The following PLCB4 variants were observed in gnomAD, a reference collection of about 807,000 sequenced individuals.
PLCB4 encodes phospholipase C beta 4, also known as 1-phosphatidylinositol 4,5-bisphosphate phosphodiesterase beta-4.
PLCB4 carries 77 observed loss-of-function variants against 178.8 expected under a neutral mutation model. The ratio of observed to expected loss-of-function variants is 0.43; its 90% CI spans 0.36 to 0.52. The LOEUF (loss-of-function observed/expected upper bound fraction) is 0.52, where lower values mean the gene tolerates loss of function less well. Ranked by LOEUF, PLCB4 falls within the 20% of genes least tolerant of loss-of-function variation. PLCB4 has a pLI of 0.00. For synonymous variants in PLCB4, 496 were observed against 490.8 expected, an observed-to-expected ratio of 1.01 and a Z score of -0.14; for missense variants, 1,024 against 1,453.4, an observed-to-expected ratio of 0.70 and a Z score of 4.80.
Position 9,479,058 on chromosome 20 carries a change from C to A in PLCB4, c.*49C>A. On this transcript the variant is annotated 3_prime_UTR_variant, in exon 40 of 40. Transcript: ENST00000378473. The stretch of plus-strand genomic sequence containing the variant: ...AAAGACTCACTCACAAACTTCTGAA[C>A]ACAAACTCCATGGATGAAAGCTGTT... 7.9e-7 allele frequency: 1 copy of A among 1,260,726 alleles called. No individual in the cohort carries two copies. Among genetic ancestry groups the A allele is most frequent in the Non-Finnish European group, 1.2e-6 (1 of 862,612 alleles). 78.1% of individuals were successfully genotyped at this position (1,260,726 alleles called of 1,614,324 possible).
At chr20:9,124,188 A>G (rs574307415) in intron 2 of PLCB4, among the ~76,000 whole-genome samples, 1 of 152,318 alleles carries the variant, frequency 6.6e-6, no homozygotes, top group East Asian at 1.9e-4. Flanking sequence ...CTGGTCTAGA[A>G]TATTAAAATA....
chr20:9,330,897 G>A (rs550399634), intron 4 of PLCB4, among the ~76,000 whole-genome samples: 8 of 152,238 alleles, frequency 5.3e-5, no homozygotes, highest in African/African-American at 1.7e-4. Flanking sequence ...CACAACAAGA[G>A]CCCTAAAATT....
chr20:9,187,063 C>T (rs1017578099), intron 2 of PLCB4, among the ~76,000 whole-genome samples: 1 of 152,122 alleles, frequency 6.6e-6, no homozygotes, highest in African/African-American at 2.4e-5. Flanking sequence ...CAAACTTCAC[C>T]TTCTGGGTTC....
At chr20:9,342,169 C>T (rs1319261230) in intron 7 of PLCB4, among the ~76,000 whole-genome samples, 2 of 152,122 alleles carry the variant, frequency 1.3e-5, no homozygotes, top group Admixed American at 6.6e-5. Flanking sequence ...CCATCACCAC[C>T]GTTTTATTTC....
At chr20:9,146,115 C>T (rs8122469) in intron 2 of PLCB4, among the ~76,000 whole-genome samples, 16,457 of 152,176 alleles carry the variant, frequency 0.11, 1,412 homozygotes, top group African/African-American at 0.24. Flanking sequence ...TACCAGCTAA[C>T]ATGGCCCTGT....
chr20:9,163,941 ATAAGT>A (rs1216636695), intron 2 of PLCB4, among the ~76,000 whole-genome samples: 2 of 152,208 alleles, frequency 1.3e-5, no homozygotes, highest in Non-Finnish European at 2.9e-5. Context: ...TGTAAACGAG[ATAAGT>A]TCATTTATTG....
chr20:9,236,549 CGT>C (rs2093995377), intron 3 of PLCB4, among the ~76,000 whole-genome samples: 1 of 152,094 alleles, frequency 6.6e-6, no homozygotes, highest in African/African-American at 2.4e-5. Context: ...TCTAATCTTT[CGT>C]GTGTGTGTCT....
At chr20:9,086,154 AGT>A (rs2090404395) in intron 1 of PLCB4, among the ~76,000 whole-genome samples, 1 of 152,118 alleles carries the variant, frequency 6.6e-6, no homozygotes, top group Non-Finnish European at 1.5e-5. Context: ...CCTTACAAAG[AGT>A]GAGAAAAAGC....
chr20:9,082,724 G>C (rs927961947), intron 1 of PLCB4, among the ~76,000 whole-genome samples: 2 of 152,118 alleles, frequency 1.3e-5, no homozygotes, highest in African/African-American at 4.8e-5. Flanking sequence ...GGCCCTCTGA[G>C]AATCTTAAGC....
At chr20:9,417,185 C>G (rs1433671228) in intron 25 of PLCB4, among the ~76,000 whole-genome samples, 1 of 151,824 alleles carries the variant, frequency 6.6e-6, no homozygotes, top group Non-Finnish European at 1.5e-5. Flanking sequence ...TTCTTTAAAT[C>G]TATGGTTATA....
chr20:9,302,652 G>T (rs1002942832), intron 3 of PLCB4, among the ~76,000 whole-genome samples: 6 of 152,002 alleles, frequency 3.9e-5, no homozygotes, highest in Non-Finnish European at 7.4e-5. Flanking sequence ...AAGAGATTAA[G>T]GTCAAAATTA....
intron 3 of PLCB4, among the ~76,000 whole-genome samples, chr20:9,288,406 CTTT>C (rs5840316): frequency 5.0e-5 from 7 of 140,748 alleles, no homozygotes; most frequent in African/African-American, 7.6e-5. Flanking sequence ...CCTGTAGTTG[CTTT>C]TTTTTTTTTT....
chr20:9,429,966 A>G (rs2041284441), intron 28 of PLCB4, among the ~76,000 whole-genome samples: 1 of 152,216 alleles, frequency 6.6e-6, no homozygotes, highest in African/African-American at 2.4e-5. Context: ...AGGGGTATCC[A>G]ATCTTTTGGC....
At chr20:9,266,731 T>C (rs2094353252) in intron 3 of PLCB4, among the ~76,000 whole-genome samples, 1 of 152,162 alleles carries the variant, frequency 6.6e-6, no homozygotes, top group African/African-American at 2.4e-5. Flanking sequence ...TTTTCTAAAA[T>C]GGAGGCTGGG....
intron 27 of PLCB4, among the ~76,000 whole-genome samples, chr20:9,421,782 G>A (rs1310012399): frequency 6.6e-6 from 1 of 152,092 alleles, no homozygotes; most frequent in African/African-American, 2.4e-5. Context: ...GGAAGTTACT[G>A]GTAACTTACA....
chr20:9,426,867 A>C (rs1272665144), intron 28 of PLCB4, among the ~76,000 whole-genome samples: 1 of 152,134 alleles, frequency 6.6e-6, no homozygotes, highest in East Asian at 1.9e-4. Context: ...GCCGCTGAGG[A>C]AACAGAGTTA....
At chr20:9,202,233 G>T (rs2093555989) in intron 2 of PLCB4, among the ~76,000 whole-genome samples, 2 of 152,082 alleles carry the variant, frequency 1.3e-5, no homozygotes, top group South Asian at 4.1e-4. Flanking sequence ...AAGAGAGACT[G>T]ACTGTCAAAG....
At position 9,163,319 on chromosome 20, in the gene PLCB4, A is replaced by G. The variant is rs528102371; in HGVS notation, c.-78-54071A>G. ...TAAAAGTAGAGAATGGCTAAACCCC[A>G]AATGTTAAGCCTCTGAAGAATATCT... On this transcript the variant is annotated intron_variant, in intron 2 of 39. Transcript: ENST00000378473. Among the ~76,000 whole-genome samples the G allele has an allele frequency of 5.8e-4, 88 of 152,328 alleles. 2 individuals are homozygous for G. The South Asian group carries it at 9.1e-3, about 16-fold the overall frequency.
At chr20:9,245,830 C>T (rs2094119496) in intron 3 of PLCB4, among the ~76,000 whole-genome samples, 1 of 151,532 alleles carries the variant, frequency 6.6e-6, no homozygotes, top group Admixed American at 6.6e-5. Context: ...GACAGGGTTT[C>T]ACTATATTGG....
Sources: allele counts gnomAD v4.1 joint callset (sites outside exome capture counted in the v4.1 genomes callset), GRCh38; gene constraint gnomAD v4.1.1; transcripts MANE v1.5; gene names NCBI Gene and HGNC (gene_info 2026-07-23, HGNC 2026-07-21).